CDH13: variants seen among roughly 807,000 people sequenced by gnomAD.
CDH13 encodes cadherin-13.
A neutral mutation model predicts 63.8 loss-of-function variants in CDH13; 24 were observed. That is an observed-to-expected ratio of 0.38 (90% CI 0.27 to 0.53). The LOEUF is 0.53. CDH13 is among the 20% of genes least tolerant of loss of function. The pLI is 0.85. For synonymous variants in CDH13, 503 were observed against 355.3 expected, an observed-to-expected ratio of 1.42 and a Z score of -4.67; for missense variants, 1,049 against 903.1, an observed-to-expected ratio of 1.16 and a Z score of -2.07.
At chr16:83,323,736 G>A (rs2090293597) in intron 5 of CDH13, among the ~76,000 whole-genome samples, 1 of 152,160 alleles carries the variant, frequency 6.6e-6, no homozygotes, top group African/African-American at 2.4e-5. Context: ...GACCACCATA[G>A]TACAGGCCAT....
chr16:83,341,505 A>G (rs2090721625), intron 5 of CDH13, among the ~76,000 whole-genome samples: 1 of 152,204 alleles, frequency 6.6e-6, no homozygotes. Context: ...CATCCACATC[A>G]TTAATAAGAT....
At chr16:82,704,010 C>T (rs190471285) in intron 1 of CDH13, among the ~76,000 whole-genome samples, 24 of 152,310 alleles carry the variant, frequency 1.6e-4, no homozygotes, top group African/African-American at 4.6e-4. Context: ...CTTTCTGCTT[C>T]ATCTCCAGCC....
chr16:83,431,638 A>G (rs575420287), intron 6 of CDH13, among the ~76,000 whole-genome samples: 17 of 152,236 alleles, frequency 1.1e-4, no homozygotes, highest in African/African-American at 3.9e-4. Context: ...ATGCACGAAG[A>G]GAAAGGAGGA....
chr16:83,565,845 C>G (rs963828151), intron 7 of CDH13, among the ~76,000 whole-genome samples: 2 of 151,204 alleles, frequency 1.3e-5, no homozygotes, highest in Non-Finnish European at 2.9e-5. Context: ...TTTCTGATAA[C>G]TTATTCTTTT....
At chr16:83,260,862 G>A (rs1906901430) in intron 5 of CDH13, among the ~76,000 whole-genome samples, 1 of 152,026 alleles carries the variant, frequency 6.6e-6, no homozygotes, top group Non-Finnish European at 1.5e-5. Flanking sequence ...GAATGTATTT[G>A]AAAAGCATGC....
At chr16:82,768,015 C>T (rs2035126561) in intron 1 of CDH13, among the ~76,000 whole-genome samples, 1 of 152,090 alleles carries the variant, frequency 6.6e-6, no homozygotes, top group South Asian at 2.1e-4. Flanking sequence ...ATCCCTGAGT[C>T]ATGGGCGTGC....
At chr16:83,305,427 C>T (rs2089851715) in intron 5 of CDH13, among the ~76,000 whole-genome samples, 1 of 152,246 alleles carries the variant, frequency 6.6e-6, no homozygotes, top group Non-Finnish European at 1.5e-5. Flanking sequence ...CATTTTTAAT[C>T]TACCCGTGTA....
intron 1 of CDH13, among the ~76,000 whole-genome samples, chr16:82,794,062 A>G (rs568822163): frequency 1.3e-5 from 2 of 152,200 alleles, no homozygotes; most frequent in South Asian, 4.2e-4. Flanking sequence ...AGCTTGTCCA[A>G]TCCGAGGCCC....
intron 7 of CDH13, among the ~76,000 whole-genome samples, chr16:83,512,381 A>G (rs1021743087): frequency 1.4e-5 from 2 of 147,616 alleles, no homozygotes; most frequent in Non-Finnish European, 3.0e-5. Flanking sequence ...AAATAAAAAT[A>G]AAGGAAGGGC....
intron 4 of CDH13, among the ~76,000 whole-genome samples, chr16:83,131,936 T>G (rs2036072699): frequency 6.6e-6 from 1 of 152,182 alleles, no homozygotes; most frequent in African/African-American, 2.4e-5. Context: ...CCGCTTTGAT[T>G]GTGTCATGAA....
At chr16:83,007,433 T>G (rs2151431443) in intron 2 of CDH13, among the ~76,000 whole-genome samples, 1 of 152,278 alleles carries the variant, frequency 6.6e-6, no homozygotes, top group South Asian at 2.1e-4. Context: ...ACTCTTCAGG[T>G]TTTATCCAGA....
intron 4 of CDH13, among the ~76,000 whole-genome samples, chr16:83,168,657 A>C (rs9935528): frequency 0.38 from 58,084 of 151,914 alleles, 13,303 homozygotes; most frequent in African/African-American, 0.64. Flanking sequence ...GCTTCTGATA[A>C]CATATTGGTG....
At chr16:83,746,698 G>A (rs1912618590) in intron 10 of CDH13, among the ~76,000 whole-genome samples, 1 of 152,142 alleles carries the variant, frequency 6.6e-6, no homozygotes, top group South Asian at 2.1e-4. Flanking sequence ...GTCACTTCAT[G>A]GGGATGTACT....
At chr16:83,111,288 G>C (rs1445946904) in intron 3 of CDH13, among the ~76,000 whole-genome samples, 3 of 152,154 alleles carry the variant, frequency 2.0e-5, no homozygotes, top group Admixed American at 6.5e-5. Flanking sequence ...TAATATCATT[G>C]GATAGTGCCA....
intron 3 of CDH13, among the ~76,000 whole-genome samples, chr16:83,078,591 G>A (rs190757646): frequency 6.6e-6 from 1 of 152,200 alleles, no homozygotes; most frequent in Non-Finnish European, 1.5e-5. Flanking sequence ...ACAGGCCACA[G>A]ACCAGTACCG....
chr16:83,002,888 T>G (rs1002097025), intron 2 of CDH13, among the ~76,000 whole-genome samples: 2 of 152,194 alleles, frequency 1.3e-5, no homozygotes, highest in African/African-American at 4.8e-5. Context: ...ACCAGATTAT[T>G]TAGGGCTTTT....
chr16:83,515,501 T>C (rs1282064666), intron 7 of CDH13, among the ~76,000 whole-genome samples: 1 of 152,224 alleles, frequency 6.6e-6, no homozygotes, highest in Non-Finnish European at 1.5e-5. Context: ...AGAGAAACTT[T>C]ATATCATGCT....
At chr16:83,299,346 AG>A (rs2089678708) in intron 5 of CDH13, among the ~76,000 whole-genome samples, 1 of 152,070 alleles carries the variant, frequency 6.6e-6, no homozygotes, top group Non-Finnish European at 1.5e-5. Context: ...ATCTAGGGAA[AG>A]ACAGCACTAC....
At chr16:82,930,101 T>C (rs781774555) in intron 2 of CDH13, among the ~76,000 whole-genome samples, 2 of 149,122 alleles carry the variant, frequency 1.3e-5, no homozygotes, top group African/African-American at 4.9e-5. Context: ...CTGGAGTGTA[T>C]TGGTGCAATC....
Sources: allele counts gnomAD v4.1 joint callset (sites outside exome capture counted in the v4.1 genomes callset), GRCh38; gene constraint gnomAD v4.1.1; transcripts MANE v1.5; gene names NCBI Gene and HGNC (gene_info 2026-07-23, HGNC 2026-07-21).